The following SPATA17 variants were observed in gnomAD, a reference collection of about 807,000 sequenced individuals.
SPATA17 encodes spermatogenesis-associated protein 17.
In SPATA17, 53 loss-of-function variants were observed where a neutral mutation model predicts 62.2. The ratio of observed to expected loss-of-function variants is 0.85; its 90% CI spans 0.68 to 1.07. The LOEUF is 1.07. Ranked by LOEUF, SPATA17 falls within the 50% of genes least tolerant of loss-of-function variation. The pLI is 0.00. For synonymous variants in SPATA17, 146 were observed against 146.8 expected, an observed-to-expected ratio of 0.99 and a Z score of 0.04; for missense variants, 466 against 425.5, an observed-to-expected ratio of 1.10 and a Z score of -0.84.
rs982669396 is a variant in SPATA17, at chr1:217,816,511, A to G, written c.1005+14661A>G. The stretch of plus-strand genomic sequence containing the variant: ...ACTTTATAATCTTTTTACTTCATTT[A>G]AAAACTTTCTGGTCATATTAACTAA... On this transcript the variant is annotated intron_variant, in intron 9 of 10. Transcript: ENST00000366933. 2.0e-5 allele frequency among the ~76,000 whole-genome samples: 3 copies of G among 151,782 alleles called. No homozygotes were observed. In the East Asian group the frequency reaches 5.8e-4, roughly 29 times the overall value.
chr1:217,742,280 G>A (rs1672641490), intron 6 of SPATA17, among the ~76,000 whole-genome samples, 182 bp downstream of exon 6: 1 of 152,170 alleles, frequency 6.6e-6, no homozygotes, highest in Admixed American at 6.5e-5. Flanking sequence ...TGTGACAGCG[G>A]CTTCATAGAG....
chr1:217,786,736 G>T (rs538840758), intron 8 of SPATA17, among the ~76,000 whole-genome samples: 4 of 120,236 alleles, frequency 3.3e-5, no homozygotes, highest in Admixed American at 8.5e-5. Context: ...ATGATAGAAG[G>T]ATTTGATATT....
chr1:217,799,825 G>A (rs1016860058), intron 8 of SPATA17, among the ~76,000 whole-genome samples: 8 of 151,642 alleles, frequency 5.3e-5, no homozygotes, highest in African/African-American at 1.5e-4. Flanking sequence ...GAAAATTTTG[G>A]CATATAGTAA....
At position 217,689,987 on chromosome 1, in the gene SPATA17, TCC is replaced by T. The variant is rs1480584986; in HGVS notation, c.395+6627_395+6628del. ...GGCACAATCTCCGCTCACTGCAATCTCCGCCTCCCAGGTTCAAGCGATTCTCC... is the reference window on the plus strand; with the variant it reads ...GGCACAATCTCCGCTCACTGCAATCTGCCTCCCAGGTTCAAGCGATTCTCC... On this transcript the variant is annotated intron_variant, in intron 5 of 10. Coordinates refer to ENST00000366933, the MANE Select transcript of SPATA17 (RefSeq NM_138796.4). Among the ~76,000 whole-genome samples, 124 of 151,936 alleles carry T rather than the reference TCC, an allele frequency of 8.2e-4. 1 individual carries two copies. Among genetic ancestry groups the T allele is most frequent in the African/African-American group, 2.7e-3 (110 of 41,454 alleles).
At chr1:217,713,011 A>G (rs1387440698) in intron 5 of SPATA17, among the ~76,000 whole-genome samples, 1 of 152,164 alleles carries the variant, frequency 6.6e-6, no homozygotes, top group Admixed American at 6.5e-5. Context: ...GGAGACAGAA[A>G]TGAAGAAATA....
At chr1:217,668,890 A>G (rs1670769153) in intron 3 of SPATA17, 143 bp from the exon 4 acceptor site, 1 of 745,706 alleles carries the variant, frequency 1.3e-6, no homozygotes, top group African/African-American at 1.8e-5. Flanking sequence ...TATCTCTTCA[A>G]TACAACATTT....
intron 9 of SPATA17, among the ~76,000 whole-genome samples, chr1:217,860,503 A>C (rs1675877085): frequency 6.6e-6 from 1 of 152,192 alleles, no homozygotes; most frequent in South Asian, 2.1e-4. Context: ...AACTACAATA[A>C]TGAATTTGTC....
At chr1:217,752,202 A>G (rs900309846) in intron 6 of SPATA17, among the ~76,000 whole-genome samples, 4 of 151,928 alleles carry the variant, frequency 2.6e-5, no homozygotes, top group African/African-American at 4.8e-5. Flanking sequence ...GTTTGTTTAC[A>G]TTTTTTGTAG....
At chr1:217,778,997 A>G (rs1410547750) in intron 7 of SPATA17, among the ~76,000 whole-genome samples, 1 of 152,138 alleles carries the variant, frequency 6.6e-6, no homozygotes, top group African/African-American at 2.4e-5. Context: ...GCATAGGCAG[A>G]AGGTACATAT....
chr1:217,820,430 T>C (rs1674830854), intron 9 of SPATA17, among the ~76,000 whole-genome samples: 1 of 152,006 alleles, frequency 6.6e-6, no homozygotes. Context: ...TGGAGAGATA[T>C]GAATTAACTT....
At chr1:217,818,565 CA>C (rs1418827638) in intron 9 of SPATA17, among the ~76,000 whole-genome samples, 11 of 151,810 alleles carry the variant, frequency 7.2e-5, no homozygotes, top group Non-Finnish European at 1.6e-4. Flanking sequence ...AGAAAAATTA[CA>C]GTAAAAATAC....
intron 3 of SPATA17, among the ~76,000 whole-genome samples, chr1:217,658,768 A>C (rs72747631): frequency 0.02 from 3,068 of 152,102 alleles, 45 homozygotes; most frequent in Middle Eastern, 0.041. Context: ...AAAAAATCAT[A>C]ATAATAATAA....
chr1:217,727,009 A>G (rs545230650), intron 5 of SPATA17, among the ~76,000 whole-genome samples: 92 of 152,060 alleles, frequency 6.1e-4, no homozygotes, highest in African/African-American at 2.1e-3. Flanking sequence ...GCACTTTGGG[A>G]GGCTGAGGCG....
At chr1:217,675,159 T>C (rs1003351770) in intron 4 of SPATA17, among the ~76,000 whole-genome samples, 22 of 152,114 alleles carry the variant, frequency 1.4e-4, no homozygotes, top group African/African-American at 3.9e-4. Flanking sequence ...TTGAGGTTTG[T>C]AGAGAAGGAG....
chr1:217,795,622 G>A (rs11117940), intron 8 of SPATA17, among the ~76,000 whole-genome samples: 35,061 of 151,416 alleles, frequency 0.23, 4,372 homozygotes, highest in East Asian at 0.49. Flanking sequence ...CACCCACCTC[G>A]GCCTCCCAAA....
chr1:217,749,013 A>G (rs1369465537), intron 6 of SPATA17, among the ~76,000 whole-genome samples: 1 of 152,074 alleles, frequency 6.6e-6, no homozygotes, highest in African/African-American at 2.4e-5. Context: ...TGGAGAGGCT[A>G]TACCATTGCC....
intron 6 of SPATA17, among the ~76,000 whole-genome samples, chr1:217,757,260 A>T (rs994389716): frequency 2.0e-5 from 3 of 152,218 alleles, no homozygotes; most frequent in Non-Finnish European, 1.5e-5. Context: ...AAAGACAGAT[A>T]GTTGGAGATA....
At chr1:217,816,607 A>G (rs915248407) in intron 9 of SPATA17, among the ~76,000 whole-genome samples, 17 of 152,018 alleles carry the variant, frequency 1.1e-4, no homozygotes, top group Admixed American at 2.6e-4. Flanking sequence ...GCTATTGGAT[A>G]CATAATATAC....
At chr1:217,661,848 T>C (rs560010854) in intron 3 of SPATA17, among the ~76,000 whole-genome samples, 5 of 152,322 alleles carry the variant, frequency 3.3e-5, no homozygotes, top group Admixed American at 1.3e-4. Context: ...TTAATTTTAC[T>C]GTGGCCTGTT....
Sources: gnomAD v4.1 joint callset for allele counts (sites outside exome capture counted in the v4.1 genomes callset) on GRCh38, gnomAD v4.1.1 for gene constraint, MANE v1.5 for transcripts, NCBI Gene and HGNC (gene_info 2026-07-23, HGNC 2026-07-21) for gene names.